Variants in COTL1 observed in about 807,000 individuals in gnomAD.
COTL1 encodes coactosin-like protein.
A neutral mutation model predicts 16.5 loss-of-function variants in COTL1; 15 were observed. That is an observed-to-expected ratio of 0.91 (90% CI 0.61 to 1.40). The LOEUF (loss-of-function observed/expected upper bound fraction) is 1.40. COTL1 is among the 40% of genes most tolerant of loss of function. The pLI, the probability that COTL1 is intolerant of heterozygous loss-of-function variation, is 0.00. For missense variants in COTL1, 220 were observed against 201.5 expected (o/e 1.09, Z -0.56); for synonymous variants, 112 against 85.3 (o/e 1.31, Z -1.73).
At chr16:84,567,977 A>T (rs1168247357) in intron 3 of COTL1, 1 of 151,936 alleles carries the variant, frequency 6.6e-6, no homozygotes, top group Non-Finnish European at 1.5e-5. Context: ...AAAAAAGCCC[A>T]TAAGGAAATA....
Position 84,566,714 on chromosome 16 carries a change from T to C in COTL1, c.*131A>G. 1.6e-6 allele frequency: 1 copy of C among 622,922 alleles called. No individual in the cohort carries two copies. The highest frequency in any genetic ancestry group is 2.9e-6 in the Non-Finnish European group (1 of 348,304). 38.6% of individuals were successfully genotyped at this position (622,922 alleles called of 1,614,324 possible). A position where few individuals can be genotyped will look rare whatever the true frequency, so the allele number is the denominator to read the frequency against. On this transcript the variant is annotated 3_prime_UTR_variant, in exon 4 of 4. Coordinates refer to ENST00000262428, the MANE Select transcript of COTL1 (RefSeq NM_021149.5). The stretch of plus-strand genomic sequence containing the variant: ...GAAGGTGGGGGCTGTGGACACAGGG[T>C]GGCGGGCGCTGCCTCTCATGGCTTC...
At chr16:84,582,942 A>C (rs1372539355) in intron 3 of COTL1, among the ~76,000 whole-genome samples, 2 of 152,232 alleles carry the variant, frequency 1.3e-5, no homozygotes, top group Non-Finnish European at 2.9e-5. Context: ...AGCACAGAGC[A>C]AAAAAGTTCA....
chr16:84,617,663 C>A, intron 1 of COTL1, 80 bp from the exon 2 acceptor site: 5 of 1,453,790 alleles, frequency 3.4e-6, no homozygotes, highest in Admixed American at 4.0e-5. Flanking sequence ...AGAGGACAAT[C>A]TAACAGACGC....
At position 84,592,609 on chromosome 16, in the gene COTL1, A is replaced by C. The variant is rs1171771618; in HGVS notation, c.161-2347T>G. Reference sequence around the variant, plus strand: ...GGATCACACTGAGTTAAAAAAAAAAAAAAAAATCAATCTGCGTTTCTTCCT... The same window carrying C: ...GGATCACACTGAGTTAAAAAAAAAACAAAAAATCAATCTGCGTTTCTTCCT... On this transcript the variant is annotated intron_variant, in intron 2 of 3. Transcript: ENST00000262428. Among the ~76,000 whole-genome samples the C allele has an allele frequency of 2.6e-5, 4 of 151,638 alleles. No individual in the cohort carries two copies. In the East Asian group the frequency reaches 7.7e-4, roughly 29 times the overall value.
intron 3 of COTL1, among the ~76,000 whole-genome samples, chr16:84,584,768 T>C (rs188250310): frequency 7.9e-5 from 12 of 152,324 alleles, no homozygotes; most frequent in African/African-American, 2.4e-4. Context: ...AATTAAGACA[T>C]TGTTCTAAGC....
At chr16:84,578,656 C>A (rs1481024778) in intron 3 of COTL1, among the ~76,000 whole-genome samples, 1 of 151,742 alleles carries the variant, frequency 6.6e-6, no homozygotes, top group Admixed American at 6.6e-5. Context: ...CACACACAGG[C>A]ATGCACCCAC....
intron 2 of COTL1, among the ~76,000 whole-genome samples, chr16:84,598,623 C>T (rs1031018293): frequency 7.4e-5 from 11 of 148,708 alleles, no homozygotes; most frequent in Non-Finnish European, 1.2e-4. Flanking sequence ...CACCTCCTCC[C>T]CATCTGTGCC....
intron 3 of COTL1, among the ~76,000 whole-genome samples, chr16:84,574,980 C>G (rs4783023): frequency 0.75 from 113,436 of 151,628 alleles, 42,497 homozygotes; most frequent in South Asian, 0.9. Context: ...CTATTTGCCA[C>G]GCTGGATTTT....
intron 2 of COTL1, among the ~76,000 whole-genome samples, chr16:84,609,235 C>T (rs1905271967): frequency 6.6e-6 from 1 of 152,226 alleles, no homozygotes; most frequent in Non-Finnish European, 1.5e-5. Flanking sequence ...TCATGGACAG[C>T]AAGTGAATTT....
At chr16:84,574,528 G>C (rs979323262) in intron 3 of COTL1, among the ~76,000 whole-genome samples, 1 of 152,212 alleles carries the variant, frequency 6.6e-6, no homozygotes, top group East Asian at 1.9e-4. Flanking sequence ...CACTCCAAGC[G>C]GCTGAAGCTG....
At chr16:84,594,580 G>A (rs1023666910) in intron 2 of COTL1, 2 of 152,194 alleles carry the variant, frequency 1.3e-5, no homozygotes, top group African/African-American at 2.4e-5. Context: ...GGGGGAGGAG[G>A]GGCTGAACAT....
chr16:84,567,805 A>G (rs1399825396), intron 3 of COTL1: 2 of 152,212 alleles, frequency 1.3e-5, no homozygotes, highest in African/African-American at 4.8e-5. Context: ...GACCTGGCTT[A>G]TCAGACACCC....
At chr16:84,600,850 G>A (rs754992584) in intron 2 of COTL1, among the ~76,000 whole-genome samples, 6 of 152,100 alleles carry the variant, frequency 3.9e-5, no homozygotes, top group Admixed American at 2.6e-4. Context: ...TGATTACTTC[G>A]GCAGAACCTC....
intron 2 of COTL1, among the ~76,000 whole-genome samples, chr16:84,600,312 C>CTTTT (rs11305996): frequency 4.0e-5 from 5 of 125,862 alleles, no homozygotes; most frequent in Admixed American, 8.1e-5. Context: ...AATAAAGGCT[C>CTTTT]TTTTTTTTTT....
At chr16:84,588,060 T>C (rs556318693) in intron 3 of COTL1, among the ~76,000 whole-genome samples, 37 of 152,090 alleles carry the variant, frequency 2.4e-4, no homozygotes, top group Non-Finnish European at 4.6e-4. Flanking sequence ...GAGGGAGCCA[T>C]GACACCTGGC....
At chr16:84,601,200 TG>T (rs1402493936) in intron 2 of COTL1, among the ~76,000 whole-genome samples, 1 of 152,178 alleles carries the variant, frequency 6.6e-6, no homozygotes, top group East Asian at 1.9e-4. Flanking sequence ...TCCATCGCTG[TG>T]GGTTGGTTAT....
Position 84,604,747 on chromosome 16 carries a change from C to T in COTL1, c.160+12754G>A, listed in dbSNP as rs147049748. ...GTGGCTGTAGGGGTCACACAGGGGC[C>T]GCCAGGAGCCTGGCTCTTTGCATCT... is the stretch of plus-strand genomic sequence containing the variant. On this transcript the variant is annotated intron_variant, in intron 2 of 3. Transcript: ENST00000262428. Among the ~76,000 whole-genome samples, 1,313 of 152,290 alleles carry T rather than the reference C, an allele frequency of 8.6e-3. 10 individuals are homozygous for T. The highest frequency in any genetic ancestry group is 0.02 in the South Asian group (98 of 4,826).
intron 3 of COTL1, among the ~76,000 whole-genome samples, chr16:84,571,910 C>T (rs1465145937): frequency 1.3e-4 from 20 of 152,236 alleles, no homozygotes; most frequent in Admixed American, 1.3e-3. Context: ...GGGGTACTAG[C>T]AGGCCTCCAT....
intron 3 of COTL1, among the ~76,000 whole-genome samples, chr16:84,578,572 C>T (rs1904503406): frequency 6.6e-6 from 1 of 152,120 alleles, no homozygotes; most frequent in Non-Finnish European, 1.5e-5. Flanking sequence ...GGTGGAGGAA[C>T]AGACACACAC....
Sources: allele counts gnomAD v4.1 joint callset (sites outside exome capture counted in the v4.1 genomes callset), GRCh38; gene constraint gnomAD v4.1.1; transcripts MANE v1.5; gene names NCBI Gene and HGNC (gene_info 2026-07-23, HGNC 2026-07-21).